The following NVL variants were observed in gnomAD, a reference collection of about 807,000 sequenced individuals.
NVL encodes nuclear VCP like.
Under a neutral mutation model 110.2 loss-of-function variants are expected in NVL, and 84 were observed. The observed-to-expected ratio is 0.76, with a 90% confidence interval of 0.64 to 0.91. The LOEUF is 0.91. Among genes scored for constraint, NVL ranks in the 40% least tolerant of loss-of-function variants. NVL has a pLI of 0.00. For missense variants in NVL, 882 were observed against 1,035.9 expected (o/e 0.85, Z 2.04); for synonymous variants, 354 against 361.1 (o/e 0.98, Z 0.22).
chr1:224,240,402 G>A (rs975629084), intron 19 of NVL, among the ~76,000 whole-genome samples: 7 of 151,954 alleles, frequency 4.6e-5, no homozygotes, highest in African/African-American at 9.7e-5. Context: ...TAGTAGAGAC[G>A]GGGTTTCACC....
At chr1:224,329,998 C>G (rs906738538) in intron 1 of NVL, 73 bp downstream of exon 1, 3 of 1,460,264 alleles carry the variant, frequency 2.1e-6, no homozygotes, top group African/African-American at 2.8e-5. Flanking sequence ...GGATGCCACC[C>G]GACAAAAGGG....
chr1:224,242,839 T>C (rs76012888), intron 19 of NVL, among the ~76,000 whole-genome samples: 1 of 151,116 alleles, frequency 6.6e-6, no homozygotes, highest in Non-Finnish European at 1.5e-5. Context: ...TTTTTTTTTT[T>C]TTTTGAGACA....
intron 4 of NVL, among the ~76,000 whole-genome samples, chr1:224,315,369 T>C (rs10916585): frequency 0.92 from 139,892 of 152,264 alleles, 64,479 homozygotes; most frequent in Middle Eastern, 0.98. Flanking sequence ...ATTCATCAAA[T>C]TAATAGACTA....
At chr1:224,250,361 ATTTTT>A in intron 18 of NVL, 43 bp from the exon 19 acceptor site, 1 of 1,474,832 alleles carries the variant, frequency 6.8e-7, no homozygotes, top group Non-Finnish European at 9.0e-7. Flanking sequence ...AAAACCTTTT[ATTTTT>A]ATTTTTTTAT....
chr1:224,301,666 G>C (rs527405166), intron 9 of NVL: 2 of 351,330 alleles, frequency 5.7e-6, no homozygotes, highest in African/African-American at 4.5e-5. Context: ...CAGGCATGCT[G>C]ATGCATGCCT....
At chr1:224,313,919 C>G (rs1159846712) in intron 4 of NVL, among the ~76,000 whole-genome samples, 2 of 152,134 alleles carry the variant, frequency 1.3e-5, no homozygotes, top group Non-Finnish European at 2.9e-5. Context: ...AGGAGAATTG[C>G]TTGAACCTGG....
intron 18 of NVL, among the ~76,000 whole-genome samples, chr1:224,266,447 T>C (rs1319786619): frequency 6.6e-6 from 1 of 152,200 alleles, no homozygotes; most frequent in Non-Finnish European, 1.5e-5. Flanking sequence ...TTCCTTTTGC[T>C]CTCTCATGCA....
chr1:224,305,099 C>T lies in NVL; in HGVS notation c.683G>A (p.Ser228Asn). 6.2e-7 allele frequency: 1 copy of T among 1,613,766 alleles called. No homozygotes were observed. The highest frequency in any genetic ancestry group is 1.1e-5 in the South Asian group (1 of 91,064). The change falls in exon 7 of 23, where the codon AGC becomes AAC. Residue 228 changes from serine (S) to asparagine (N), a missense_variant. By Grantham distance (46) the Ser-to-Asn change is conservative (BLOSUM62 1). Transcript: ENST00000281701. The stretch of plus-strand genomic sequence containing the variant: ...CTGAAGATCTTCTTTCTTCCTTTTG[C>T]TTCCTTTATTCTTTAGCTTGCCTTT... ...KRKGKLKNKG[S>N]KRKKEDLQEV...
chr1:224,289,597 T>C lies in NVL; in HGVS notation c.1462A>G (p.Arg488Gly). Residue 488 changes from arginine to glycine, a missense_variant, in exon 13 of 23, where the codon AGA becomes GGA. Arg to Gly is a moderately radical substitution (Grantham distance 125). This residue lies in a region of NVL where 416 missense variants were observed against 499.3 expected (regional missense o/e 0.83). Coordinates refer to ENST00000281701, the MANE Select transcript of NVL (RefSeq NM_002533.4). ...TGTTCCTGTAGCTTCATTAAGACTC[T>C]ATTGACTGCACACATTGCTGCCTCT... is the stretch of plus-strand genomic sequence containing the variant. ...CREAAMCAVN[R>G]VLMKLQEQQK... 1 of 1,614,258 alleles carries C rather than the reference T, an allele frequency of 6.2e-7. No homozygotes were observed. The highest frequency in any genetic ancestry group is 8.5e-7 in the Non-Finnish European group (1 of 1,180,050).
At chr1:224,243,726 A>G (rs894161953) in intron 19 of NVL, among the ~76,000 whole-genome samples, 27 of 148,948 alleles carry the variant, frequency 1.8e-4, no homozygotes, top group Non-Finnish European at 3.0e-4. Context: ...CAGTGGTACA[A>G]TCTCGGCTCA....
intron 19 of NVL, among the ~76,000 whole-genome samples, chr1:224,239,950 T>C (rs774327492): frequency 3.3e-5 from 5 of 152,040 alleles, no homozygotes; most frequent in Non-Finnish European, 7.4e-5. Flanking sequence ...CAGGCTGGAG[T>C]GCAGTGACGC....
chr1:224,275,018 G>C (rs1313321951), intron 17 of NVL, among the ~76,000 whole-genome samples: 1 of 152,116 alleles, frequency 6.6e-6, no homozygotes, highest in African/African-American at 2.4e-5. Flanking sequence ...AACCCATTTA[G>C]CTCAAGAATG....
chr1:224,240,372 G>A (rs892191053), intron 19 of NVL, among the ~76,000 whole-genome samples: 5 of 151,826 alleles, frequency 3.3e-5, no homozygotes, highest in African/African-American at 1.2e-4. Flanking sequence ...CCCAGCCAAC[G>A]CTGGGTAGTT....
intron 20 of NVL, 84 bp downstream of exon 20, chr1:224,236,422 T>G: frequency 1.0e-6 from 1 of 997,822 alleles, no homozygotes; most frequent in East Asian, 2.4e-5. Flanking sequence ...AACAATCTGC[T>G]GAGGTGAGCA....
intron 18 of NVL, among the ~76,000 whole-genome samples, chr1:224,261,856 G>A (rs945031710): frequency 6.6e-6 from 1 of 152,042 alleles, no homozygotes; most frequent in African/African-American, 2.4e-5. Context: ...AGCTACGTGA[G>A]AGGCTGAGGT....
rs988270859 is a variant in NVL, at chr1:224,234,905, C to T, written c.2366+1601G>A. 3.9e-5 allele frequency among the ~76,000 whole-genome samples: 6 copies of T among 152,256 alleles called. 1 individual carries two copies. Among genetic ancestry groups the T allele is most frequent in the Middle Eastern group, 6.8e-3 (2 of 294 alleles). On this transcript the variant is annotated intron_variant, in intron 20 of 22. Transcript: ENST00000281701. ...AAAAGATTTAGCCCAGGGCAAGTTC[C>T]GCCACCAAAATCACCTGTTACTCAC...
chr1:224,280,103 T>G (rs757470418), intron 16 of NVL, among the ~76,000 whole-genome samples: 1 of 151,386 alleles, frequency 6.6e-6, no homozygotes, highest in Non-Finnish European at 1.5e-5. Flanking sequence ...TTGTGGTAAG[T>G]TCCATGGGAA....
chr1:224,273,425 A>G (rs938943891), intron 17 of NVL, among the ~76,000 whole-genome samples: 4 of 152,140 alleles, frequency 2.6e-5, no homozygotes, highest in African/African-American at 4.8e-5. Context: ...AAGAAAAAAA[A>G]AAAAAGAAAT....
At chr1:224,305,823 G>A (rs183382531) in intron 6 of NVL, among the ~76,000 whole-genome samples, 70 of 152,332 alleles carry the variant, frequency 4.6e-4, no homozygotes, top group Admixed American at 9.8e-4. Context: ...GATTACAGGC[G>A]TGAGCCGCCC....
Sources: allele counts gnomAD v4.1 joint callset (sites outside exome capture counted in the v4.1 genomes callset), GRCh38; gene constraint gnomAD v4.1.1; regional missense constraint gnomAD v4.1.1; transcripts MANE v1.5; gene names NCBI Gene and HGNC (gene_info 2026-07-23, HGNC 2026-07-21).